GRIN2A: variants seen among roughly 807,000 people sequenced by gnomAD.
The protein encoded by GRIN2A is glutamate receptor ionotropic, NMDA 2A.
Under a neutral mutation model 113.4 loss-of-function variants are expected in GRIN2A, and 22 were observed. The observed-to-expected ratio is 0.19, with a 90% CI of 0.14 to 0.28. The LOEUF is 0.28. GRIN2A is among the 10% of genes least tolerant of loss of function. The pLI, the probability that GRIN2A is intolerant of heterozygous loss-of-function variation, is 1.00. For missense variants in GRIN2A, 1,502 were observed against 1,887.0 expected, an observed-to-expected ratio of 0.80 and a Z score of 3.78; for synonymous variants, 827 against 738.4, an observed-to-expected ratio of 1.12 and a Z score of -1.94.
At chr16:9,972,204 C>G (rs575844485) in intron 2 of GRIN2A, among the ~76,000 whole-genome samples, 9 of 152,270 alleles carry the variant, frequency 5.9e-5, no homozygotes, top group African/African-American at 2.2e-4. Context: ...GAGAACTAAG[C>G]CTCCACCTGA....
chr16:10,180,498 T>C lies in GRIN2A; in HGVS notation c.-18-69A>G. ...GACCAGAAGAAAGGGATTACCAACTTGGCTTCCTGCTCTAGGAGCCAGGCA... is the reference window on the plus strand; with the variant it reads ...GACCAGAAGAAAGGGATTACCAACTCGGCTTCCTGCTCTAGGAGCCAGGCA... On this transcript the variant is annotated intron_variant, in intron 1 of 12. Coordinates refer to ENST00000330684, the MANE Select transcript of GRIN2A (RefSeq NM_001134407.3). The surrounding 1 kb of genome is among the most constrained non-coding windows in gnomAD (Gnocchi z 7.0). The C allele has an allele frequency of 6.5e-7, 1 of 1,540,258 alleles. No individual in the cohort carries two copies. The highest frequency in any genetic ancestry group is 8.7e-7 in the Non-Finnish European group (1 of 1,149,298).
At chr16:9,831,112 G>A (rs191582131) in intron 8 of GRIN2A, among the ~76,000 whole-genome samples, 1 of 152,270 alleles carries the variant, frequency 6.6e-6, no homozygotes. Context: ...ACAAGTAGCT[G>A]TCATTTCCCA....
intron 4 of GRIN2A, among the ~76,000 whole-genome samples, chr16:9,865,655 G>A (rs2043149237): frequency 6.6e-6 from 1 of 152,090 alleles, no homozygotes; most frequent in Non-Finnish European, 1.5e-5. Flanking sequence ...AGTTCCTTAG[G>A]GTTAGATCAC....
chr16:10,089,110 T>G (rs1361507544), intron 2 of GRIN2A, among the ~76,000 whole-genome samples: 2 of 152,194 alleles, frequency 1.3e-5, no homozygotes, highest in African/African-American at 4.8e-5. Flanking sequence ...AGCATTTAAA[T>G]AATGCCTGGC....
chr16:10,149,454 G>A (rs1338301384), intron 2 of GRIN2A, among the ~76,000 whole-genome samples: 1 of 152,194 alleles, frequency 6.6e-6, no homozygotes, highest in Non-Finnish European at 1.5e-5. Context: ...GAAATTCTCT[G>A]TACTAATTTT....
intron 11 of GRIN2A, among the ~76,000 whole-genome samples, chr16:9,779,099 G>C (rs1013243654): frequency 1.3e-5 from 2 of 152,182 alleles, no homozygotes; most frequent in Non-Finnish European, 2.9e-5. Context: ...AGGGAATAGC[G>C]TGCGGGTCAC....
rs1900271914 is a variant in GRIN2A, at chr16:9,754,263, G to T, written c.*8886C>A. On this transcript the variant is annotated 3_prime_UTR_variant, in exon 13 of 13. Coordinates refer to ENST00000330684, the MANE Select transcript of GRIN2A (RefSeq NM_001134407.3). ...TATGCTTTTAAATTTGTTTTGGCAG[G>T]GGAATGAACAAGATTAAGATTCATA... 1.0e-5 allele frequency: 2 copies of T among 198,080 alleles called. No homozygotes were observed. The highest frequency in any genetic ancestry group is 1.2e-4 in the Admixed American group (2 of 16,456). 12.3% of individuals were successfully genotyped at this position (198,080 alleles called of 1,614,324 possible).
intron 3 of GRIN2A, among the ~76,000 whole-genome samples, chr16:9,899,946 C>T (rs7196711): frequency 0.028 from 4,217 of 152,238 alleles, 196 homozygotes; most frequent in African/African-American, 0.096. Context: ...TAAGTATCCT[C>T]AGTTCTCAGA....
At chr16:10,131,194 G>A (rs1184155902) in intron 2 of GRIN2A, among the ~76,000 whole-genome samples, 1 of 152,136 alleles carries the variant, frequency 6.6e-6, no homozygotes, top group Non-Finnish European at 1.5e-5. Flanking sequence ...GTGGGTGATC[G>A]ATAAATATTA....
chr16:9,758,060 G>T lies in GRIN2A; in HGVS notation c.*5089C>A. ...TCGCTCTGATACTCTCTAACTTGAT[G>T]ATCTTAAACAGGCAACTGCCCATTT... On this transcript the variant is annotated 3_prime_UTR_variant, in exon 13 of 13. Transcript: ENST00000330684. 2 of 212,120 alleles carry T rather than the reference G, an allele frequency of 9.4e-6. No individual in the cohort carries two copies. The highest frequency in any genetic ancestry group is 1.9e-5 in the Non-Finnish European group (2 of 104,588). The allele number at this position is 212,120 out of a possible 1,614,324, so 13.1% of individuals were successfully genotyped here. A position where few individuals can be genotyped will look rare whatever the true frequency, so the allele number is the denominator to read the frequency against.
intron 3 of GRIN2A, among the ~76,000 whole-genome samples, chr16:9,917,029 T>C (rs2044266785): frequency 6.6e-6 from 1 of 152,238 alleles, no homozygotes; most frequent in South Asian, 2.1e-4. Flanking sequence ...TAAGTGTTTT[T>C]ATTACCTTAT....
chr16:10,153,742 C>A (rs1339321287), intron 2 of GRIN2A, among the ~76,000 whole-genome samples: 8 of 152,134 alleles, frequency 5.3e-5, no homozygotes, highest in Non-Finnish European at 7.4e-5. Flanking sequence ...TCCACTCTTA[C>A]AAATGAACAC....
At chr16:10,028,438 G>C (rs967573889) in intron 2 of GRIN2A, among the ~76,000 whole-genome samples, 3 of 152,196 alleles carry the variant, frequency 2.0e-5, no homozygotes, top group Non-Finnish European at 4.4e-5. Context: ...TCTGCATCTG[G>C]GTGTAGCCAT....
At chr16:10,014,950 A>C (rs1391682409) in intron 2 of GRIN2A, among the ~76,000 whole-genome samples, 2 of 152,116 alleles carry the variant, frequency 1.3e-5, no homozygotes, top group East Asian at 3.9e-4. Context: ...GGTTGTTATA[A>C]TCATTTAAAT....
intron 3 of GRIN2A, among the ~76,000 whole-genome samples, chr16:9,910,023 T>C (rs1241651586): frequency 6.6e-6 from 1 of 152,226 alleles, no homozygotes; most frequent in Non-Finnish European, 1.5e-5. Flanking sequence ...GGTTCATCAA[T>C]GTTGGAAAAC....
chr16:9,988,379 C>T (rs1014453666), intron 2 of GRIN2A, among the ~76,000 whole-genome samples: 1 of 151,726 alleles, frequency 6.6e-6, no homozygotes, highest in Non-Finnish European at 1.5e-5. Flanking sequence ...ACAAATTATA[C>T]CACTCAATTT....
intron 3 of GRIN2A, among the ~76,000 whole-genome samples, chr16:9,922,876 A>C (rs185372877): frequency 1.4e-3 from 206 of 152,328 alleles, no homozygotes; most frequent in African/African-American, 4.8e-3. Flanking sequence ...GAATCCTTTT[A>C]AATATACTAA....
chr16:9,834,585 T>C (rs1007222704), intron 7 of GRIN2A, among the ~76,000 whole-genome samples: 1 of 152,182 alleles, frequency 6.6e-6, no homozygotes, highest in Non-Finnish European at 1.5e-5. Context: ...TTTCGCCATG[T>C]TGCCCAGGCT....
chr16:10,155,486 T>C (rs1204428993), intron 2 of GRIN2A, among the ~76,000 whole-genome samples: 1 of 152,206 alleles, frequency 6.6e-6, no homozygotes, highest in Non-Finnish European at 1.5e-5. Context: ...AGTTAAATAG[T>C]GGACATCCCT....
Sources: gnomAD v4.1 joint callset for allele counts (sites outside exome capture counted in the v4.1 genomes callset) on GRCh38, gnomAD v4.1.1 for gene constraint, Gnocchi (gnomAD v3.1) non-coding constraint, MANE v1.5 for transcripts, NCBI Gene and HGNC (gene_info 2026-07-23, HGNC 2026-07-21) for gene names.